Variants in ADGRL3 observed in about 807,000 individuals in gnomAD.
The protein encoded by ADGRL3 is adhesion G protein-coupled receptor L3.
In ADGRL3, 62 loss-of-function variants were observed where a neutral mutation model predicts 153.5. That is an observed-to-expected ratio of 0.40 (90% CI 0.33 to 0.50). ADGRL3 has a LOEUF of 0.50. Among genes scored for constraint, ADGRL3 ranks in the 20% least tolerant of loss-of-function variants. The pLI, the probability that ADGRL3 is intolerant of heterozygous loss-of-function variation, is 0.47. For synonymous variants in ADGRL3, 710 were observed against 672.5 expected (o/e 1.06, Z -0.86); for missense variants, 1,641 against 1,859.4 (o/e 0.88, Z 2.16).
At chr4:61,414,214 G>A (rs2097121782) in intron 2 of ADGRL3, among the ~76,000 whole-genome samples, 1 of 152,046 alleles carries the variant, frequency 6.6e-6, no homozygotes, top group East Asian at 1.9e-4. Flanking sequence ...TAACTTACCT[G>A]GAAAAATTGG....
chr4:61,980,428 C>T (rs2099064083), intron 18 of ADGRL3, among the ~76,000 whole-genome samples: 1 of 143,024 alleles, frequency 7.0e-6, no homozygotes, highest in Admixed American at 7.4e-5. Context: ...CTCTTTCTTT[C>T]TTTCTTTGTT....
chr4:62,038,220 A>G (rs980281665), intron 24 of ADGRL3, among the ~76,000 whole-genome samples: 2 of 152,172 alleles, frequency 1.3e-5, no homozygotes, highest in Admixed American at 6.5e-5. Flanking sequence ...TCTTCTAACT[A>G]GTATAATAAT....
chr4:61,632,522 GT>G (rs1176688135), intron 5 of ADGRL3, among the ~76,000 whole-genome samples: 1 of 152,104 alleles, frequency 6.6e-6, no homozygotes, highest in Non-Finnish European at 1.5e-5. Context: ...GCCTTTAGAT[GT>G]ACAGTCTGGT....
At chr4:61,847,603 A>G (rs1283370302) in intron 9 of ADGRL3, among the ~76,000 whole-genome samples, 1 of 76,692 alleles carries the variant, frequency 1.3e-5, no homozygotes, top group Non-Finnish European at 2.3e-5. Context: ...TATATAATAT[A>G]TAATATATTA....
intron 6 of ADGRL3, among the ~76,000 whole-genome samples, chr4:61,695,458 G>C (rs1190071856): frequency 6.6e-6 from 1 of 152,128 alleles, no homozygotes; most frequent in Admixed American, 6.5e-5. Context: ...TCCACAGTGG[G>C]ATTAACATTT....
chr4:61,296,323 CTT>C (rs58437757), intron 1 of ADGRL3, among the ~76,000 whole-genome samples: 40,941 of 151,842 alleles, frequency 0.27, 6,081 homozygotes, highest in East Asian at 0.43. Context: ...CTGAGTGACT[CTT>C]TACTCAGAAC....
At chr4:61,496,930 G>A (rs924783217) in intron 2 of ADGRL3, among the ~76,000 whole-genome samples, 191 bp from the exon 3 acceptor site, 2 of 103,128 alleles carry the variant, frequency 1.9e-5, no homozygotes, top group Non-Finnish European at 4.1e-5. Context: ...GACAGAGCGA[G>A]ACTCCATCTT....
At chr4:61,755,694 C>T (rs1203841412) in intron 8 of ADGRL3, among the ~76,000 whole-genome samples, 3 of 152,088 alleles carry the variant, frequency 2.0e-5, no homozygotes, top group African/African-American at 4.8e-5. Flanking sequence ...AGTCCTTGCC[C>T]GTGCCTATAT....
intron 4 of ADGRL3, among the ~76,000 whole-genome samples, chr4:61,539,642 G>C (rs1313568453): frequency 1.3e-5 from 2 of 152,148 alleles, no homozygotes; most frequent in African/African-American, 4.8e-5. Context: ...GTTCAGGCCT[G>C]AGGGGGAGAG....
At position 62,073,379 on chromosome 4, in the gene ADGRL3, A is replaced by C. The variant is rs1160183915; in HGVS notation, c.*2471A>C. On this transcript the variant is annotated 3_prime_UTR_variant, in exon 27 of 27. Coordinates refer to ENST00000683033, the MANE Select transcript of ADGRL3 (RefSeq NM_001387552.1). The stretch of plus-strand genomic sequence containing the variant: ...GTTAATGATAATTAGGTTTTCTCAC[A>C]CCACACTATGGCAATATTAGCACGT... The C allele has an allele frequency of 6.6e-6, 1 of 152,078 alleles. No homozygotes were observed. The highest frequency in any genetic ancestry group is 1.9e-4 in the East Asian group (1 of 5,168). The allele number at this position is 152,078 out of a possible 1,614,324, so 9.4% of individuals were successfully genotyped here.
intron 3 of ADGRL3, among the ~76,000 whole-genome samples, 171 bp from the exon 4 acceptor site, chr4:61,517,144 A>G (rs2098501314): frequency 6.6e-6 from 1 of 150,728 alleles, no homozygotes; most frequent in Admixed American, 6.6e-5. Context: ...AGGGGCCAGG[A>G]GATGTAATCC....
intron 2 of ADGRL3, among the ~76,000 whole-genome samples, chr4:61,428,891 TATCATCTATCTATCTATC>T (rs2097317957): frequency 1.3e-5 from 1 of 77,482 alleles, no homozygotes; most frequent in Admixed American, 1.5e-4. Context: ...TATCTATCTA[TATCATCTATCTATCTATC>T]TATCTATCTA....
chr4:61,544,609 CA>C (rs1485430292), intron 4 of ADGRL3, among the ~76,000 whole-genome samples: 1 of 152,062 alleles, frequency 6.6e-6, no homozygotes, highest in Non-Finnish European at 1.5e-5. Flanking sequence ...CCTTATAAAC[CA>C]TTGTTTACCC....
rs1746815152 is a variant in ADGRL3 at position 62,075,368 on chromosome 4, G to GA, written c.*4460_*4461insA. 6.6e-6 allele frequency: 1 copy of GA among 151,634 alleles called. No homozygotes were observed. Among genetic ancestry groups the GA allele is most frequent in the Non-Finnish European group, 1.5e-5 (1 of 67,944 alleles). The allele number at this position is 151,634 out of a possible 1,614,324, so 9.4% of individuals were successfully genotyped here. On this transcript the variant is annotated 3_prime_UTR_variant, in exon 27 of 27. Transcript: ENST00000683033. ...ACTTGGCCTGTGATGTATTGCAGAG[G>GA]GAAAAAAACCAACACTACAGAAGTA...
intron 1 of ADGRL3, among the ~76,000 whole-genome samples, chr4:61,283,785 T>C (rs1222296887): frequency 6.6e-6 from 1 of 151,992 alleles, no homozygotes; most frequent in African/African-American, 2.4e-5. Context: ...TCTTACCCTG[T>C]TTGCAAATAG....
At chr4:62,041,978 G>T (rs1219151423) in intron 24 of ADGRL3, among the ~76,000 whole-genome samples, 11 of 152,072 alleles carry the variant, frequency 7.2e-5, no homozygotes, top group Admixed American at 7.2e-4. Context: ...CTGTGCTTCG[G>T]TTTTTCTAGT....
intron 22 of ADGRL3, 103 bp downstream of exon 22, chr4:62,028,984 C>A: frequency 2.0e-6 from 2 of 994,636 alleles, no homozygotes; most frequent in Non-Finnish European, 3.0e-6. Flanking sequence ...CTGTCATTCA[C>A]GTAGAGGCAG....
At chr4:61,532,315 C>G (rs2098623686) in intron 4 of ADGRL3, among the ~76,000 whole-genome samples, 1 of 152,102 alleles carries the variant, frequency 6.6e-6, no homozygotes, top group African/African-American at 2.4e-5. Context: ...TCAGCAAGAT[C>G]ATTAATAACT....
At chr4:61,477,209 C>A (rs1054556504) in intron 2 of ADGRL3, among the ~76,000 whole-genome samples, 1 of 152,036 alleles carries the variant, frequency 6.6e-6, no homozygotes, top group Admixed American at 6.6e-5. Context: ...CCAGAAAAAT[C>A]GAATGAATTT....
Sources: allele counts gnomAD v4.1 joint callset (sites outside exome capture counted in the v4.1 genomes callset), GRCh38; gene constraint gnomAD v4.1.1; transcripts MANE v1.5; gene names NCBI Gene and HGNC (gene_info 2026-07-23, HGNC 2026-07-21).